PPARD: variants seen among roughly 807,000 people sequenced by gnomAD.
The protein encoded by PPARD is peroxisome proliferator activated receptor delta.
A neutral mutation model predicts 39.5 loss-of-function variants in PPARD; 6 were observed. That is an observed-to-expected ratio of 0.15 (90% CI 0.08 to 0.30). The LOEUF is 0.30. Ranked by LOEUF, PPARD falls within the 10% of genes least tolerant of loss-of-function variation. PPARD has a pLI of 1.00. For missense variants in PPARD, 397 were observed against 596.8 expected (o/e 0.67, Z 3.49); for synonymous variants, 210 against 231.3 (o/e 0.91, Z 0.83).
intron 2 of PPARD, among the ~76,000 whole-genome samples, chr6:35,396,250 G>A (rs1581620415): frequency 1.3e-5 from 2 of 151,082 alleles, no homozygotes; most frequent in Admixed American, 1.3e-4. Flanking sequence ...TGTCGCCCAG[G>A]CTGGAGTGCA....
chr6:35,398,549 G>A (rs1406846234), intron 2 of PPARD, among the ~76,000 whole-genome samples: 1 of 152,200 alleles, frequency 6.6e-6, no homozygotes, highest in East Asian at 1.9e-4. Context: ...CATACTGAAG[G>A]CATTGGAAGG....
intron 1 of PPARD, among the ~76,000 whole-genome samples, chr6:35,344,734 TGC>T (rs1792064177): frequency 1.3e-5 from 2 of 152,158 alleles, no homozygotes; most frequent in African/African-American, 4.8e-5. Flanking sequence ...CTTTAGGAGC[TGC>T]GGTGGAGAGC....
rs1223918120 is a variant in PPARD at position 35,424,428 on chromosome 6, G to A, written c.727G>A (p.Val243Met). 6.2e-7 allele frequency: 1 copy of A among 1,614,172 alleles called. No homozygotes were observed. Among genetic ancestry groups the A allele is most frequent in the Non-Finnish European group, 8.5e-7 (1 of 1,180,016 alleles). ...CCTGCCTCCCTACAAGGAGATCAGCGTGCACGTCTTCTACCGCTGCCAGTG... is the reference window on the plus strand; with the variant it reads ...CCTGCCTCCCTACAAGGAGATCAGCATGCACGTCTTCTACCGCTGCCAGTG... ...NGLPPYKEIS[V>M]HVFYRCQCTT... The change falls in exon 7 of 8, where the codon GTG becomes ATG. Residue 243 changes from valine to methionine, a missense_variant. Val to Met is a conservative substitution (Grantham distance 21, BLOSUM62 1). Coordinates refer to ENST00000360694, the MANE Select transcript of PPARD (RefSeq NM_006238.5). The surrounding 1 kb of genome is among the most constrained non-coding windows in gnomAD (Gnocchi z 7.1).
intron 2 of PPARD, among the ~76,000 whole-genome samples, chr6:35,407,244 C>G (rs779604452): frequency 2.6e-5 from 4 of 152,214 alleles, no homozygotes; most frequent in Admixed American, 6.5e-5. Flanking sequence ...CTTCCTGGCT[C>G]TCATCACCAC....
chr6:35,403,309 A>G lies in PPARD; in HGVS notation c.-101-7678A>G, dbSNP rs141375530. Among the ~76,000 whole-genome samples, 347 of 152,328 alleles carry G rather than the reference A, an allele frequency of 2.3e-3. 1 individual carries two copies. Among genetic ancestry groups the G allele is most frequent in the Admixed American group, 3.8e-3 (58 of 15,304 alleles). On this transcript the variant is annotated intron_variant, in intron 2 of 7. Transcript: ENST00000360694. ...CCTGGCACTGTTAAGCAGTTACTGC[A>G]TCGTTATTTATTCCACACAGCAGCC...
intron 2 of PPARD, among the ~76,000 whole-genome samples, chr6:35,392,796 A>G (rs1273925353): frequency 6.6e-6 from 1 of 152,130 alleles, no homozygotes; most frequent in Non-Finnish European, 1.5e-5. Context: ...CCAGCAGCCC[A>G]CCAACCTGTC....
intron 2 of PPARD, among the ~76,000 whole-genome samples, chr6:35,404,440 A>C (rs1408846775): frequency 6.6e-6 from 1 of 152,202 alleles, no homozygotes; most frequent in African/African-American, 2.4e-5. Context: ...TACAGTAAGA[A>C]GGTCCATCAG....
rs980942553 is a variant in PPARD at position 35,348,999 on chromosome 6, C to G, written c.-102+1849C>G. The G allele has an allele frequency of 5.1e-6, 5 of 984,662 alleles. No homozygotes were observed. The African/African-American group carries it at 8.8e-5, about 17-fold the overall frequency. 61.0% of individuals were successfully genotyped at this position (984,662 alleles called of 1,614,324 possible). ...CATCCCTGAGCCTTGAGCTCCCAGTCGCAGGTAGGAACTTCTCTTCTCCTT... is the reference window on the plus strand; with the variant it reads ...CATCCCTGAGCCTTGAGCTCCCAGTGGCAGGTAGGAACTTCTCTTCTCCTT... On this transcript the variant is annotated intron_variant, in intron 2 of 7. Transcript: ENST00000360694.
At chr6:35,379,057 G>A (rs1247958179) in intron 2 of PPARD, among the ~76,000 whole-genome samples, 1 of 151,776 alleles carries the variant, frequency 6.6e-6, no homozygotes, top group African/African-American at 2.4e-5. Context: ...ACTCAGAGGT[G>A]GGCACAGGGT....
chr6:35,424,288 G>T lies in PPARD; in HGVS notation c.628-41G>T, dbSNP rs779312482. ...AGGGACATGGGGAGCACAGGGTGGG[G>T]GTCTCCCGAGGCCTGATCTCTAACG... On this transcript the variant is annotated intron_variant, in intron 6 of 7. Transcript: ENST00000360694. The surrounding 1 kb of genome is among the most constrained non-coding windows in gnomAD (Gnocchi z 7.1). 6 of 1,601,320 alleles carry T rather than the reference G, an allele frequency of 3.7e-6. No individual in the cohort carries two copies. The highest frequency in any genetic ancestry group is 4.3e-6 in the Non-Finnish European group (5 of 1,171,638).
At chr6:35,377,822 C>T (rs974441682) in intron 2 of PPARD, among the ~76,000 whole-genome samples, 2 of 150,582 alleles carry the variant, frequency 1.3e-5, no homozygotes, top group African/African-American at 4.9e-5. Flanking sequence ...AGCTTGGGGT[C>T]TCTGTCTGTA....
chr6:35,417,162 A>G (rs1765825686), intron 3 of PPARD, among the ~76,000 whole-genome samples: 1 of 151,664 alleles, frequency 6.6e-6, no homozygotes, highest in Non-Finnish European at 1.5e-5. Context: ...ACACCCAGCT[A>G]GTTTTTAAAA....
At chr6:35,382,346 ATACT>A (rs1477190072) in intron 2 of PPARD, among the ~76,000 whole-genome samples, 1 of 152,214 alleles carries the variant, frequency 6.6e-6, no homozygotes, top group African/African-American at 2.4e-5. Flanking sequence ...GGCATCACCT[ATACT>A]GTGCTTGCCA....
chr6:35,380,235 G>A (rs1763055057), intron 2 of PPARD, among the ~76,000 whole-genome samples: 1 of 152,186 alleles, frequency 6.6e-6, no homozygotes, highest in South Asian at 2.1e-4. Flanking sequence ...TAGGTCATGA[G>A]CAACCCAGAC....
intron 3 of PPARD, among the ~76,000 whole-genome samples, chr6:35,415,407 C>T (rs573680266): frequency 6.6e-5 from 10 of 152,352 alleles, no homozygotes; most frequent in Admixed American, 2.6e-4. Context: ...GCCATGACAA[C>T]GGCATTCTCC....
chr6:35,398,220 G>A (rs1764469919), intron 2 of PPARD, among the ~76,000 whole-genome samples: 2 of 152,184 alleles, frequency 1.3e-5, no homozygotes, highest in South Asian at 2.1e-4. Context: ...AGTGGGTGGT[G>A]AGGTGGGAGG....
intron 2 of PPARD, among the ~76,000 whole-genome samples, chr6:35,394,499 G>A (rs193200937): frequency 7.9e-5 from 12 of 152,296 alleles, no homozygotes; most frequent in Non-Finnish European, 1.8e-4. Flanking sequence ...AGCCGGGCAT[G>A]ATGACTCATG....
intron 2 of PPARD, among the ~76,000 whole-genome samples, chr6:35,404,953 TTGTGTGTGTGTGTGTG>T (rs59359748): frequency 1.4e-4 from 20 of 142,218 alleles, no homozygotes; most frequent in Middle Eastern, 3.5e-3. Flanking sequence ...ACTGCAGGCT[TTGTGTGTGTGTGTGTG>T]TGTGTGTGTG....
At chr6:35,351,956 A>G (rs1054603703) in intron 2 of PPARD, among the ~76,000 whole-genome samples, 3 of 138,840 alleles carry the variant, frequency 2.2e-5, no homozygotes, top group Admixed American at 8.1e-5. Flanking sequence ...TCTAGCCTTG[A>G]CTTCCAGGCT....
Sources: allele counts gnomAD v4.1 joint callset (sites outside exome capture counted in the v4.1 genomes callset), GRCh38; gene constraint gnomAD v4.1.1; non-coding constraint Gnocchi (gnomAD v3.1); transcripts MANE v1.5; gene names NCBI Gene and HGNC (gene_info 2026-07-23, HGNC 2026-07-21).